The following ST7L variants were observed in gnomAD, a reference collection of about 807,000 sequenced individuals.
ST7L encodes suppression of tumorigenicity 7 like.
A neutral mutation model predicts 72.5 loss-of-function variants in ST7L; 57 were observed. The ratio of observed to expected loss-of-function variants is 0.79; its 90% CI spans 0.64 to 0.98. The LOEUF is 0.98. ST7L is among the 50% of genes least tolerant of loss of function. The pLI is 0.00. For missense variants in ST7L, 576 were observed against 672.2 expected, an observed-to-expected ratio of 0.86 and a Z score of 1.58; for synonymous variants, 221 against 240.9, an observed-to-expected ratio of 0.92 and a Z score of 0.77.
At position 112,579,404 on chromosome 1, in the gene ST7L, T is replaced by TA. The variant is rs746230864; in HGVS notation, c.1070-988dup. 2.1e-3 allele frequency among the ~76,000 whole-genome samples: 229 copies of TA among 108,172 alleles called. 1 individual carries two copies. Among genetic ancestry groups the TA allele is most frequent in the African/African-American group, 6.8e-3 (196 of 28,950 alleles). 71.0% of individuals were successfully genotyped at this position (108,172 alleles called of 152,430 possible). ...GTAAAAAAAAAAAAAAAAAAAACAA[T>TA]AAAAAAAAAACCTGCTTATAGTAAG... On this transcript the variant is annotated intron_variant, in intron 9 of 14. Transcript: ENST00000358039.
At chr1:112,571,163 G>A in intron 11 of ST7L, 1 of 382,752 alleles carries the variant, frequency 2.6e-6, no homozygotes, top group South Asian at 2.0e-5. Flanking sequence ...GAGCGAGACT[G>A]TCTCAAAAAA....
chr1:112,568,528 A>G (rs886783878), intron 11 of ST7L, among the ~76,000 whole-genome samples: 56 of 150,170 alleles, frequency 3.7e-4, no homozygotes, highest in African/African-American at 1.3e-3. Context: ...GTAGAGACGG[A>G]GTTTCACCGT....
intron 11 of ST7L, among the ~76,000 whole-genome samples, chr1:112,569,727 G>C (rs1237925090): frequency 1.3e-5 from 2 of 152,198 alleles, no homozygotes; most frequent in Non-Finnish European, 2.9e-5. Flanking sequence ...GGGAGGCCGA[G>C]GCGGGTGGAT....
chr1:112,526,669 A>G (rs1653463220), intron 14 of ST7L: 2 of 151,638 alleles, frequency 1.3e-5, no homozygotes, highest in Non-Finnish European at 2.9e-5. Context: ...TGAACCCAGG[A>G]GGCAGAGCTT....
intron 9 of ST7L, among the ~76,000 whole-genome samples, chr1:112,581,754 T>C (rs893774488): frequency 6.6e-6 from 1 of 152,098 alleles, no homozygotes; most frequent in Non-Finnish European, 1.5e-5. Context: ...GACTCACTCA[T>C]ATTAGAAACA....
At chr1:112,613,416 A>G (rs1396278786) in intron 2 of ST7L, among the ~76,000 whole-genome samples, 4 of 152,246 alleles carry the variant, frequency 2.6e-5, no homozygotes, top group African/African-American at 9.6e-5. Flanking sequence ...AACAGTTCAC[A>G]TCACTGGTAA....
chr1:112,599,073 A>AAAAAAT (rs1190968815), intron 4 of ST7L, among the ~76,000 whole-genome samples: 56 of 56,998 alleles, frequency 9.8e-4, no homozygotes, highest in African/African-American at 3.4e-3. Context: ...AAAAAAAAAA[A>AAAAAAT]ATATATATAT....
intron 13 of ST7L, among the ~76,000 whole-genome samples, chr1:112,545,494 T>C (rs1010896232): frequency 6.6e-6 from 1 of 152,212 alleles, no homozygotes; most frequent in Non-Finnish European, 1.5e-5. Flanking sequence ...GCCTTAAATA[T>C]ATTTGTTCCT....
chr1:112,577,250 C>A (rs1351158787), intron 10 of ST7L, among the ~76,000 whole-genome samples, 162 bp from the exon 11 acceptor site: 1 of 150,512 alleles, frequency 6.6e-6, no homozygotes, highest in African/African-American at 2.4e-5. Flanking sequence ...TAAAGCTGGC[C>A]GGGCGCAGTG....
rs1667298319 is a variant in ST7L, at chr1:112,600,975, G to C, written c.452-127C>G. 8.2e-6 allele frequency: 6 copies of C among 731,638 alleles called. No individual in the cohort carries two copies. The Admixed American group carries it at 1.8e-4, about 22-fold the overall frequency. 45.3% of individuals were successfully genotyped at this position (731,638 alleles called of 1,614,324 possible). A position where few individuals can be genotyped will look rare whatever the true frequency, so the allele number is the denominator to read the frequency against. ...CACAGATGGTACAAAGATGAATAAA[G>C]CATGCTTTCAAAAAACAGAATTAAA... On this transcript the variant is annotated intron_variant, in intron 3 of 14. Coordinates refer to ENST00000358039, the MANE Select transcript of ST7L (RefSeq NM_017744.5).
intron 6 of ST7L, among the ~76,000 whole-genome samples, chr1:112,588,921 T>C (rs1040738766): frequency 1.5e-4 from 23 of 152,188 alleles, no homozygotes; most frequent in African/African-American, 5.5e-4. Context: ...TCTGGTCATA[T>C]TTCTTTACTC....
chr1:112,554,310 A>G (rs1308248904), intron 12 of ST7L, among the ~76,000 whole-genome samples: 2 of 152,202 alleles, frequency 1.3e-5, no homozygotes, highest in Non-Finnish European at 2.9e-5. Flanking sequence ...AAAACAGTCC[A>G]ATTTATTCTC....
At chr1:112,555,228 A>G (rs1232558021) in intron 12 of ST7L, among the ~76,000 whole-genome samples, 1 of 38,776 alleles carries the variant, frequency 2.6e-5, no homozygotes, top group Non-Finnish European at 5.4e-5. Context: ...CAAAACAAAA[A>G]GACCAATTTT....
At chr1:112,596,857 G>A (rs374657370) in intron 5 of ST7L, among the ~76,000 whole-genome samples, 5 of 152,026 alleles carry the variant, frequency 3.3e-5, no homozygotes, top group South Asian at 4.1e-4. Flanking sequence ...GGCTGGTCTC[G>A]AACTCCTGAC....
In ST7L at chr1:112,532,029, C is replaced by T. The variant is rs76928935; in HGVS notation, c.1630-5918G>A. Reference sequence around the variant, plus strand: ...GTGGTATTACAAGAGCTAAAATTCACCAAGGGCAAATTAGTAAGAAAAGTC... The same window carrying T: ...GTGGTATTACAAGAGCTAAAATTCATCAAGGGCAAATTAGTAAGAAAAGTC... On this transcript the variant is annotated intron_variant, in intron 14 of 14. Coordinates refer to ENST00000358039, the MANE Select transcript of ST7L (RefSeq NM_017744.5). Among the ~76,000 whole-genome samples, 165 of 152,232 alleles carry T rather than the reference C, an allele frequency of 1.1e-3. 2 individuals carry two copies. Among genetic ancestry groups the T allele is most frequent in the Middle Eastern group, 6.8e-3 (2 of 294 alleles).
In ST7L at chr1:112,546,214, G is replaced by A. The variant is rs149468172; in HGVS notation, c.1490-4124C>T. ...CATGCCTGTGGTCCCAACTACTCAG[G>A]AGGCAGAGTGGGGAGGATATTTTGA... On this transcript the variant is annotated intron_variant, in intron 13 of 14. Transcript: ENST00000358039. Among the ~76,000 whole-genome samples the A allele has an allele frequency of 3.0e-3, 460 of 151,700 alleles. 3 individuals carry two copies. Among genetic ancestry groups the A allele is most frequent in the African/African-American group, 0.01 (425 of 41,316 alleles).
chr1:112,590,022 C>T (rs985036836), intron 6 of ST7L, among the ~76,000 whole-genome samples: 6 of 152,122 alleles, frequency 3.9e-5, no homozygotes, highest in Non-Finnish European at 7.4e-5. Context: ...ATCCCTTGCC[C>T]CAGGCAGCAG....
chr1:112,564,765 C>T (rs192306293), intron 11 of ST7L, among the ~76,000 whole-genome samples: 58 of 143,076 alleles, frequency 4.1e-4, no homozygotes, highest in Admixed American at 2.2e-3. Context: ...TGCAGTGAGC[C>T]GAGACTGTGC....
At position 112,610,960 on chromosome 1, in the gene ST7L, A is replaced by G. The variant is rs1668984115; in HGVS notation, c.332T>C (p.Ile111Thr). The change falls in exon 3 of 15, where the codon ATT (isoleucine) becomes ACT (threonine). Residue 111 changes from isoleucine (I) to threonine (T), a missense_variant. This residue lies in a region of ST7L where 511 missense variants were observed against 600.7 expected (regional missense o/e 0.85). Transcript: ENST00000358039. ...WYFHKHGTSFIEQVSVSHLQP... is the reference protein window; with the variant it reads ...WYFHKHGTSFTEQVSVSHLQP... The stretch of plus-strand genomic sequence containing the variant: ...CAAATGGCTTACAGATACTTGCTCA[A>G]TAAAAGATGTGCCATGCTTATGGAA... The G allele has an allele frequency of 6.2e-7, 1 of 1,614,226 alleles. No individual in the cohort carries two copies. The highest frequency in any genetic ancestry group is 2.2e-5 in the East Asian group (1 of 44,890).
Sources: allele counts gnomAD v4.1 joint callset (sites outside exome capture counted in the v4.1 genomes callset), GRCh38; gene constraint gnomAD v4.1.1; regional missense constraint gnomAD v4.1.1; transcripts MANE v1.5; gene names NCBI Gene and HGNC (gene_info 2026-07-23, HGNC 2026-07-21).